The following KCTD16 variants were observed in gnomAD, a reference collection of about 807,000 sequenced individuals.
The protein encoded by KCTD16 is potassium channel tetramerization domain containing 16.
Under a neutral mutation model 33.2 loss-of-function variants are expected in KCTD16, and 13 were observed. The observed-to-expected ratio is 0.39, with a 90% confidence interval of 0.25 to 0.62. The LOEUF (loss-of-function observed/expected upper bound fraction) is 0.62, where lower values mean the gene tolerates loss of function less well. Among genes scored for constraint, KCTD16 ranks in the 20% least tolerant of loss-of-function variants. The pLI is 0.50. For missense variants in KCTD16, 441 were observed against 525.1 expected, an observed-to-expected ratio of 0.84 and a Z score of 1.57; for synonymous variants, 197 against 195.3, an observed-to-expected ratio of 1.01 and a Z score of -0.07.
At position 144,413,387 on chromosome 5, in the gene KCTD16, T is replaced by G. The variant is rs139076636; in HGVS notation, c.833-60273T>G. On this transcript the variant is annotated intron_variant, in intron 3 of 3. Transcript: ENST00000512467. ...TGGTTAAGCCATCTATTGTGTGGTA[T>G]TTTTTATGGCTGCCCTAGCAAATGA... Among the ~76,000 whole-genome samples the G allele has an allele frequency of 2.3e-3, 350 of 152,356 alleles. 2 individuals are homozygous for G. Among genetic ancestry groups the G allele is most frequent in the African/African-American group, 7.8e-3 (324 of 41,590 alleles).
At chr5:144,286,552 GGA>G (rs1755751140) in intron 3 of KCTD16, among the ~76,000 whole-genome samples, 1 of 152,126 alleles carries the variant, frequency 6.6e-6, no homozygotes, top group Admixed American at 6.5e-5. Flanking sequence ...CTGCTGTGAG[GGA>G]TGTTACTACT....
chr5:144,349,238 A>C (rs1015595980), intron 3 of KCTD16, among the ~76,000 whole-genome samples: 1 of 152,170 alleles, frequency 6.6e-6, no homozygotes, highest in African/African-American at 2.4e-5. Flanking sequence ...GGTGCTTTGC[A>C]TGGTTTACAT....
At chr5:144,226,426 A>C (rs73794907) in intron 3 of KCTD16, among the ~76,000 whole-genome samples, 6,885 of 152,254 alleles carry the variant, frequency 0.045, 516 homozygotes, top group African/African-American at 0.16. Context: ...TTTCCTATCC[A>C]TGAGGTAATA....
chr5:144,285,446 T>G (rs568913356), intron 3 of KCTD16, among the ~76,000 whole-genome samples: 1 of 152,226 alleles, frequency 6.6e-6, no homozygotes, highest in African/African-American at 2.4e-5. Context: ...CCATTTTCTC[T>G]GCCAGTTCCT....
chr5:144,356,165 T>C (rs1751566867), intron 3 of KCTD16, among the ~76,000 whole-genome samples: 1 of 152,198 alleles, frequency 6.6e-6, no homozygotes, highest in Non-Finnish European at 1.5e-5. Context: ...TCTCACTCAA[T>C]GAAATATACA....
At chr5:144,263,606 A>G (rs1008427602) in intron 3 of KCTD16, among the ~76,000 whole-genome samples, 28 of 152,228 alleles carry the variant, frequency 1.8e-4, no homozygotes, top group Non-Finnish European at 3.4e-4. Flanking sequence ...AGTTTTTAAA[A>G]ATAAGTATTA....
intron 3 of KCTD16, among the ~76,000 whole-genome samples, chr5:144,262,404 A>T (rs898389976): frequency 2.0e-5 from 3 of 152,212 alleles, no homozygotes; most frequent in Non-Finnish European, 4.4e-5. Context: ...AACAATAATC[A>T]ACCTGTGAAG....
intron 2 of KCTD16, among the ~76,000 whole-genome samples, chr5:144,195,750 C>T (rs1056847096): frequency 2.0e-5 from 3 of 152,200 alleles, no homozygotes; most frequent in Non-Finnish European, 4.4e-5. Context: ...GAGTGCCTCT[C>T]TGATTTCATA....
chr5:144,323,133 G>C (rs1283167428), intron 3 of KCTD16, among the ~76,000 whole-genome samples: 2 of 152,124 alleles, frequency 1.3e-5, no homozygotes, highest in East Asian at 3.9e-4. Context: ...AACTAAGACT[G>C]TTCCAGAGCC....
intron 2 of KCTD16, among the ~76,000 whole-genome samples, chr5:144,201,688 C>G (rs546725074): frequency 1.3e-5 from 2 of 152,308 alleles, no homozygotes; most frequent in South Asian, 4.1e-4. Flanking sequence ...AGTCACACAG[C>G]CAGCCAGGCA....
chr5:144,201,279 G>A (rs947776419), intron 2 of KCTD16, among the ~76,000 whole-genome samples: 3 of 152,066 alleles, frequency 2.0e-5, no homozygotes, highest in African/African-American at 7.2e-5. Flanking sequence ...TAACCACTGC[G>A]ATACTGATTA....
intron 3 of KCTD16, among the ~76,000 whole-genome samples, chr5:144,319,840 T>C (rs913206389): frequency 1.3e-5 from 2 of 152,188 alleles, no homozygotes; most frequent in African/African-American, 4.8e-5. Context: ...GTGAAAACTT[T>C]GACCGTGAGT....
chr5:144,327,484 T>C (rs1023426086), intron 3 of KCTD16, among the ~76,000 whole-genome samples: 3 of 152,162 alleles, frequency 2.0e-5, no homozygotes, highest in Non-Finnish European at 4.4e-5. Flanking sequence ...GTATCCAATA[T>C]AGAGCTGTGT....
intron 3 of KCTD16, among the ~76,000 whole-genome samples, chr5:144,386,640 A>G (rs10063606): frequency 0.056 from 8,529 of 152,250 alleles, 780 homozygotes; most frequent in African/African-American, 0.19. Context: ...CCATCTTTTT[A>G]TATTCCCTGA....
At position 144,344,776 on chromosome 5, in the gene KCTD16, C is replaced by T. The variant is rs1340511913; in HGVS notation, c.833-128884C>T. 2.0e-5 allele frequency among the ~76,000 whole-genome samples: 3 copies of T among 150,248 alleles called. No individual in the cohort carries two copies. In the South Asian group the frequency reaches 6.3e-4, roughly 32 times the overall value. On this transcript the variant is annotated intron_variant, in intron 3 of 3. Coordinates refer to ENST00000512467, the MANE Select transcript of KCTD16 (RefSeq NM_020768.4). ...TTGGTGGGACTGTAAACTAGTTCAACCCTTGTGGAAGTCAGTGTGGCGATT... is the reference window on the plus strand; with the variant it reads ...TTGGTGGGACTGTAAACTAGTTCAATCCTTGTGGAAGTCAGTGTGGCGATT...
chr5:144,418,005 G>T (rs1304310320), intron 3 of KCTD16, among the ~76,000 whole-genome samples: 1 of 152,076 alleles, frequency 6.6e-6, no homozygotes, highest in African/African-American at 2.4e-5. Flanking sequence ...TCTTCCTTCT[G>T]GTGGGCTCGT....
At position 144,461,615 on chromosome 5, in the gene KCTD16, A is replaced by G. The variant is rs149281031; in HGVS notation, c.833-12045A>G. On this transcript the variant is annotated intron_variant, in intron 3 of 3. Transcript: ENST00000512467. The stretch of plus-strand genomic sequence containing the variant: ...CTCAGTCCGTCCTTATAGCAATTCA[A>G]TCTCCACTCTTTCTAGACACAGTAA... Among the ~76,000 whole-genome samples, 281 of 152,060 alleles carry G rather than the reference A, an allele frequency of 1.8e-3. 1 individual carries two copies. Among genetic ancestry groups the G allele is most frequent in the African/African-American group, 6.2e-3 (257 of 41,468 alleles).
At position 144,403,365 on chromosome 5, in the gene KCTD16, A is replaced by G. The variant is rs530823812; in HGVS notation, c.833-70295A>G. Among the ~76,000 whole-genome samples the G allele has an allele frequency of 4.6e-5, 7 of 152,328 alleles. No individual in the cohort carries two copies. In the South Asian group the frequency reaches 1.2e-3, roughly 27 times the overall value. On this transcript the variant is annotated intron_variant, in intron 3 of 3. Transcript: ENST00000512467. The stretch of plus-strand genomic sequence containing the variant: ...CCAATGCATGGTGTTCTAATAAGAC[A>G]AGGAAAATTTGGACACAGACACACA...
intron 2 of KCTD16, among the ~76,000 whole-genome samples, chr5:144,189,951 G>A (rs1276841308): frequency 6.6e-6 from 1 of 152,168 alleles, no homozygotes; most frequent in Non-Finnish European, 1.5e-5. Context: ...CACAACCTGT[G>A]AAGACAGACT....
Sources: gnomAD v4.1 joint callset for allele counts (sites outside exome capture counted in the v4.1 genomes callset) on GRCh38, gnomAD v4.1.1 for gene constraint, MANE v1.5 for transcripts, NCBI Gene and HGNC (gene_info 2026-07-23, HGNC 2026-07-21) for gene names.